Variants in ATG7 observed in about 807,000 individuals in gnomAD.
The protein encoded by ATG7 is ubiquitin-like modifier-activating enzyme ATG7.
ATG7 carries 70 observed loss-of-function variants against 82.4 expected under a neutral mutation model. The ratio of observed to expected loss-of-function variants is 0.85; its 90% confidence interval spans 0.70 to 1.04. ATG7 has a LOEUF of 1.04. Among genes scored for constraint, ATG7 ranks in the 50% least tolerant of loss-of-function variants. The pLI is 0.00. For missense variants in ATG7, 792 were observed against 864.3 expected, an observed-to-expected ratio of 0.92 and a Z score of 1.05; for synonymous variants, 287 against 313.0, an observed-to-expected ratio of 0.92 and a Z score of 0.88.
intron 20 of ATG7, among the ~76,000 whole-genome samples, chr3:11,474,996 T>C (rs73139516): frequency 0.012 from 1,882 of 151,260 alleles, 36 homozygotes; most frequent in African/African-American, 0.043. Flanking sequence ...GCTTATGTTG[T>C]GTTTGAAGCA....
intron 20 of ATG7, among the ~76,000 whole-genome samples, chr3:11,494,208 A>G (rs1370030457): frequency 3.3e-5 from 5 of 152,200 alleles, no homozygotes; most frequent in Non-Finnish European, 5.9e-5. Flanking sequence ...AGGGGTTTAT[A>G]TGCCAGAGAA....
chr3:11,573,299 GAAAGAAAGGAAGGAAGGAAGA>G, the ATG7 span, among the ~76,000 whole-genome samples: 1 of 16,964 alleles, frequency 5.9e-5, no homozygotes, highest in African/African-American at 4.4e-4. Context: ...AAGAAAGAAA[GAAAGAAAGGAAGGAAGGAAGA>G]AAGAAAGAAA....
At chr3:11,410,424 A>AT (rs1305597958) in intron 19 of ATG7, among the ~76,000 whole-genome samples, 1 of 152,084 alleles carries the variant, frequency 6.6e-6, no homozygotes, top group Non-Finnish European at 1.5e-5. Flanking sequence ...TTTTCTTTCA[A>AT]TTTTTTATGT....
chr3:11,311,790 A>T (rs1368495921), intron 7 of ATG7, among the ~76,000 whole-genome samples: 1 of 152,042 alleles, frequency 6.6e-6, no homozygotes, highest in Non-Finnish European at 1.5e-5. Flanking sequence ...TCAGCTTTGC[A>T]GTTCATTTTG....
chr3:11,451,833 C>CTA (rs200145868), intron 20 of ATG7, among the ~76,000 whole-genome samples: 45 of 146,928 alleles, frequency 3.1e-4, no homozygotes, highest in African/African-American at 6.4e-4. Context: ...CCCTGTCTCT[C>CTA]TCTATCTCTC....
intron 19 of ATG7, among the ~76,000 whole-genome samples, chr3:11,415,198 A>C (rs1419691759): frequency 6.6e-6 from 1 of 152,196 alleles, no homozygotes; most frequent in Non-Finnish European, 1.5e-5. Flanking sequence ...AGTACAGTAA[A>C]AGTATGGTAT....
chr3:11,442,739 C>CCAAAAAAA (rs1553668928), intron 20 of ATG7, among the ~76,000 whole-genome samples: 2,533 of 69,206 alleles, frequency 0.037, 645 homozygotes, highest in East Asian at 0.089. Context: ...TCCATCTCTA[C>CCAAAAAAA]AAAAAAAAAA....
intron 19 of ATG7, among the ~76,000 whole-genome samples, chr3:11,411,988 T>TA (rs397758474): frequency 8.6e-5 from 13 of 151,842 alleles, no homozygotes; most frequent in Admixed American, 4.6e-4. Context: ...TTTTTTTTTT[T>TA]ACTGAAACAC....
In ATG7 at chr3:11,551,937, C is replaced by T. The variant is rs573903807; in HGVS notation, c.2080-2874C>T. On this transcript the variant is annotated intron_variant, in intron 20 of 20. Transcript: ENST00000693202. ...CTAATTTTTGGATTTTTAGTAGAGACGGGGTTTCACCATGTTGGCCAGGCT... is the reference window on the plus strand; with the variant it reads ...CTAATTTTTGGATTTTTAGTAGAGATGGGGTTTCACCATGTTGGCCAGGCT... 1.7e-4 allele frequency among the ~76,000 whole-genome samples: 26 copies of T among 150,854 alleles called. No individual in the cohort carries two copies. In the South Asian group the frequency reaches 3.0e-3, roughly 17 times the overall value.
chr3:11,333,630 ATG>A (rs755869656), intron 11 of ATG7, among the ~76,000 whole-genome samples: 3 of 150,698 alleles, frequency 2.0e-5, no homozygotes, highest in Non-Finnish European at 4.4e-5. Context: ...AGAGAGATAT[ATG>A]TGTGTGTGTG....
intron 1 of ATG7, among the ~76,000 whole-genome samples, chr3:11,279,633 C>T (rs1012739871): frequency 5.3e-5 from 8 of 152,010 alleles, no homozygotes; most frequent in South Asian, 4.1e-4. Context: ...GCAGTGAAGC[C>T]GAAATTGAGC....
At chr3:11,510,747 G>C (rs187077780) in intron 20 of ATG7, among the ~76,000 whole-genome samples, 4 of 152,294 alleles carry the variant, frequency 2.6e-5, no homozygotes, top group East Asian at 3.9e-4. Flanking sequence ...TGGCCATACT[G>C]TTCTTGGCAG....
At chr3:11,394,740 G>T (rs1252957826) in intron 19 of ATG7, among the ~76,000 whole-genome samples, 1 of 152,166 alleles carries the variant, frequency 6.6e-6, no homozygotes, top group African/African-American at 2.4e-5. Context: ...GAAACCGTAA[G>T]GCTTCCTTGC....
At position 11,398,161 on chromosome 3, in the gene ATG7, G is replaced by T. The variant is rs562918643; in HGVS notation, c.1956+18109G>T. Among the ~76,000 whole-genome samples, 17 of 152,050 alleles carry T rather than the reference G, an allele frequency of 1.1e-4. No individual in the cohort carries two copies. In the East Asian group the frequency reaches 2.1e-3, roughly 19 times the overall value. ...AAGGATACCAAAAGAAATCGGGAAG[G>T]GTTATTGAACTTGGTTAACATGATT... On this transcript the variant is annotated intron_variant, in intron 19 of 20. Coordinates refer to ENST00000693202, the MANE Select transcript of ATG7 (RefSeq NM_001349232.2).
chr3:11,559,466 G>C, downstream of ATG7: 1 of 1,550,456 alleles, frequency 6.4e-7, no homozygotes. Context: ...CTGCGGGGAG[G>C]AGGGGTGTCA....
At chr3:11,481,747 T>C (rs1174666118) in intron 20 of ATG7, among the ~76,000 whole-genome samples, 1 of 152,208 alleles carries the variant, frequency 6.6e-6, no homozygotes, top group African/African-American at 2.4e-5. Flanking sequence ...GTGAAGTGGA[T>C]AAAGCCCTGA....
intron 9 of ATG7, among the ~76,000 whole-genome samples, chr3:11,328,072 G>A (rs180829623): frequency 4.7e-4 from 72 of 152,266 alleles, no homozygotes; most frequent in African/African-American, 1.7e-3. Context: ...TCCATGGAGT[G>A]GACCAGCTGC....
chr3:11,450,184 C>T lies in ATG7; in HGVS notation c.2079+23258C>T, dbSNP rs1158489569. On this transcript the variant is annotated intron_variant, in intron 20 of 20. Transcript: ENST00000693202. ...TATTTAACAGATGGAGAAATTAAGG[C>T]ACATGGAACCTAAGTGTTCAAGGTC... is the stretch of plus-strand genomic sequence containing the variant. 9.8e-5 allele frequency among the ~76,000 whole-genome samples: 3 copies of T among 30,474 alleles called. No individual in the cohort carries two copies. In the East Asian group the frequency reaches 2.8e-3, roughly 28 times the overall value. The allele number at this position is 30,474 out of a possible 152,430, so 20.0% of individuals were successfully genotyped here.
At chr3:11,413,930 C>A (rs533111552) in intron 19 of ATG7, among the ~76,000 whole-genome samples, 1 of 152,270 alleles carries the variant, frequency 6.6e-6, no homozygotes, top group African/African-American at 2.4e-5. Context: ...TCAGATTTTC[C>A]ATTTCCTTGT....
Sources: allele counts gnomAD v4.1 joint callset (sites outside exome capture counted in the v4.1 genomes callset), GRCh38; gene constraint gnomAD v4.1.1; transcripts MANE v1.5; gene names NCBI Gene and HGNC (gene_info 2026-07-23, HGNC 2026-07-21).